RYR2: variants seen among roughly 807,000 people sequenced by gnomAD.
RYR2 encodes the protein ryanodine receptor 2.
A neutral mutation model predicts 601.1 loss-of-function variants in RYR2; 227 were observed. The observed-to-expected ratio is 0.38, with a 90% CI of 0.34 to 0.42. RYR2 has a LOEUF of 0.42. Ranked by LOEUF, RYR2 falls within the 10% of genes least tolerant of loss-of-function variation. RYR2 has a pLI of 1.00. For synonymous variants in RYR2, 2,223 were observed against 2,175.1 expected (o/e 1.02, Z -0.61); for missense variants, 4,646 against 6,156.5 (o/e 0.75, Z 8.21).
intron 60 of RYR2, among the ~76,000 whole-genome samples, 177 bp downstream of exon 60, chr1:237,675,023 G>C (rs1348429362): frequency 6.6e-6 from 1 of 151,986 alleles, no homozygotes; most frequent in Non-Finnish European, 1.5e-5. Flanking sequence ...TTGGGGAGTG[G>C]GTAAAATCTG....
At chr1:237,416,038 G>A (rs1168252800) in intron 10 of RYR2, among the ~76,000 whole-genome samples, 1 of 152,164 alleles carries the variant, frequency 6.6e-6, no homozygotes, top group African/African-American at 2.4e-5. Flanking sequence ...AAACAGGTAG[G>A]GAACGGCAGG....
intron 97 of RYR2, among the ~76,000 whole-genome samples, chr1:237,801,086 G>T (rs1007597647): frequency 7.2e-5 from 11 of 152,114 alleles, no homozygotes; most frequent in Non-Finnish European, 1.3e-4. Flanking sequence ...ATAAAATAAG[G>T]TAGTTGTAAA....
chr1:237,154,559 TC>T (rs1375658982), intron 1 of RYR2, among the ~76,000 whole-genome samples: 1 of 152,124 alleles, frequency 6.6e-6, no homozygotes, highest in African/African-American at 2.4e-5. Flanking sequence ...GTGCCTGTAA[TC>T]CCAGCTACTC....
At chr1:237,061,273 T>TATCTATCTATCC (rs1558163968) in intron 1 of RYR2, among the ~76,000 whole-genome samples, 2 of 129,396 alleles carry the variant, frequency 1.5e-5, no homozygotes, top group African/African-American at 5.9e-5. Flanking sequence ...TCTATCCATC[T>TATCTATCTATCC]ATCATCTATC....
intron 74 of RYR2, 147 bp from the exon 75 acceptor site, chr1:237,726,126 C>T (rs1690173306): frequency 1.6e-6 from 1 of 634,702 alleles, no homozygotes; most frequent in Non-Finnish European, 2.8e-6. Context: ...AAACAAGTTG[C>T]CTCGTGAAAA....
intron 65 of RYR2, among the ~76,000 whole-genome samples, chr1:237,701,687 C>T (rs1358741086): frequency 6.6e-6 from 1 of 152,062 alleles, no homozygotes; most frequent in African/African-American, 2.4e-5. Flanking sequence ...CTCCTGCCCC[C>T]TCACCCTTCT....
intron 6 of RYR2, among the ~76,000 whole-genome samples, chr1:237,372,018 C>A (rs941391973): frequency 6.6e-6 from 1 of 152,016 alleles, no homozygotes; most frequent in Non-Finnish European, 1.5e-5. Flanking sequence ...CAAACCTGCA[C>A]ATTGGGCACA....
chr1:237,588,113 C>T (rs1461097854), intron 29 of RYR2, among the ~76,000 whole-genome samples: 3 of 152,138 alleles, frequency 2.0e-5, no homozygotes, highest in African/African-American at 7.2e-5. Flanking sequence ...TAAGAGCTGT[C>T]ACAGCTGCAG....
At chr1:237,412,157 C>A (rs1477546536) in intron 10 of RYR2, among the ~76,000 whole-genome samples, 1 of 151,806 alleles carries the variant, frequency 6.6e-6, no homozygotes, top group South Asian at 2.1e-4. Context: ...AGTGGCTTGA[C>A]AACTGAGATA....
chr1:237,046,931 G>T (rs1400380096), intron 1 of RYR2, among the ~76,000 whole-genome samples: 1 of 152,202 alleles, frequency 6.6e-6, no homozygotes, highest in Non-Finnish European at 1.5e-5. Context: ...TAATTGCAAA[G>T]AATAGATATA....
chr1:237,208,223 G>C (rs968369267), intron 1 of RYR2, among the ~76,000 whole-genome samples: 3 of 152,188 alleles, frequency 2.0e-5, no homozygotes, highest in African/African-American at 7.2e-5. Context: ...TAACCATTGA[G>C]CCAGAGACAA....
chr1:237,454,624 C>A (rs915861499), intron 15 of RYR2, 50 bp downstream of exon 15: 3 of 1,577,058 alleles, frequency 1.9e-6, no homozygotes, highest in Non-Finnish European at 2.6e-6. Flanking sequence ...CTTGTAAAAA[C>A]AGCTTCTTGG....
intron 1 of RYR2, among the ~76,000 whole-genome samples, chr1:237,123,857 C>T (rs932526524): frequency 5.1e-4 from 78 of 151,728 alleles, no homozygotes; most frequent in African/African-American, 1.8e-3. Flanking sequence ...TTAGTAGAGA[C>T]GGGGTTTCAC....
At chr1:237,452,074 ATTTTG>A (rs1558841874) in intron 14 of RYR2, among the ~76,000 whole-genome samples, 2 of 121,420 alleles carry the variant, frequency 1.6e-5, no homozygotes, top group South Asian at 2.5e-4. Flanking sequence ...TATATATAAA[ATTTTG>A]TGTGTGTGTG....
intron 56 of RYR2, among the ~76,000 whole-genome samples, chr1:237,662,580 T>G (rs981888247): frequency 6.6e-6 from 1 of 152,066 alleles, no homozygotes; most frequent in African/African-American, 2.4e-5. Context: ...ATAAGGTAGA[T>G]TCTCCCACTG....
intron 1 of RYR2, among the ~76,000 whole-genome samples, chr1:237,221,361 A>G (rs144802449): frequency 5.9e-4 from 90 of 152,336 alleles, no homozygotes; most frequent in African/African-American, 2.0e-3. Context: ...TGGATGCTTT[A>G]ACTTATGAAA....
At chr1:237,231,848 C>T (rs1044139392) in intron 1 of RYR2, among the ~76,000 whole-genome samples, 2 of 152,158 alleles carry the variant, frequency 1.3e-5, no homozygotes, top group Non-Finnish European at 2.9e-5. Flanking sequence ...TCAAAGGAGG[C>T]AGCATGGATA....
intron 100 of RYR2, 55 bp from the exon 101 acceptor site, chr1:237,818,981 A>G: frequency 6.5e-7 from 1 of 1,529,196 alleles, no homozygotes. Flanking sequence ...GGGTTTGTCG[A>G]GAAAAAAAAA....
rs1022635736 is a variant in RYR2 at position 237,715,154 on chromosome 1, G to T, written c.10324-2044G>T. Among the ~76,000 whole-genome samples, 9 of 152,200 alleles carry T rather than the reference G, an allele frequency of 5.9e-5. No homozygotes were observed. The South Asian group carries it at 8.3e-4, about 14-fold the overall frequency. On this transcript the variant is annotated intron_variant, in intron 71 of 104. Transcript: ENST00000366574. ...GCACAGATTGAAAATGAAAAAGTGT[G>T]CAAATTCATTAGCTTTAGCGGCTCT...
Sources: gnomAD v4.1 joint callset for allele counts (sites outside exome capture counted in the v4.1 genomes callset) on GRCh38, gnomAD v4.1.1 for gene constraint, MANE v1.5 for transcripts, NCBI Gene and HGNC (gene_info 2026-07-23, HGNC 2026-07-21) for gene names.